ASCC1: variants seen among roughly 807,000 people sequenced by gnomAD.
ASCC1 encodes the protein ASC-1 complex subunit P50.
Under a neutral mutation model 46.6 loss-of-function variants are expected in ASCC1, and 35 were observed. The ratio of observed to expected loss-of-function variants is 0.75; its 90% confidence interval spans 0.57 to 0.99. The LOEUF is 0.99. Among genes scored for constraint, ASCC1 ranks in the 50% least tolerant of loss-of-function variants. The probability of loss-of-function intolerance (pLI) is 0.00; values close to 1 mark genes in which losing one functional copy is unlikely to be tolerated. For missense variants in ASCC1, 376 were observed against 428.7 expected, an observed-to-expected ratio of 0.88 and a Z score of 1.09; for synonymous variants, 143 against 146.6, an observed-to-expected ratio of 0.98 and a Z score of 0.18.
chr10:72,185,893 C>T (rs183523163), intron 5 of ASCC1, among the ~76,000 whole-genome samples: 6 of 152,184 alleles, frequency 3.9e-5, no homozygotes, highest in African/African-American at 1.4e-4. Flanking sequence ...ATTCCCTTAA[C>T]CCATGTTATT....
intron 5 of ASCC1, among the ~76,000 whole-genome samples, chr10:72,193,642 T>C (rs1025776706): frequency 6.6e-6 from 1 of 152,030 alleles, no homozygotes; most frequent in African/African-American, 2.4e-5. Flanking sequence ...TAAACATGTT[T>C]TAGAATTCAT....
chr10:72,149,980 G>A (rs537735847), intron 7 of ASCC1, among the ~76,000 whole-genome samples: 9 of 152,148 alleles, frequency 5.9e-5, no homozygotes, highest in Middle Eastern at 3.4e-3. Flanking sequence ...GAGGTCAGGG[G>A]TTCGAGACCA....
chr10:72,102,947 C>A (rs924232263), intron 9 of ASCC1: 3 of 446,000 alleles, frequency 6.7e-6, no homozygotes, highest in Non-Finnish European at 8.9e-6. Context: ...TGTACTCCAG[C>A]CTGGGCAACA....
At position 72,096,599 on chromosome 10, in the gene ASCC1, A is replaced by G. The variant is rs1283747395; in HGVS notation, c.*735T>C. 6.6e-6 allele frequency: 3 copies of G among 453,838 alleles called. No individual in the cohort carries two copies. The Admixed American group carries it at 7.0e-5, about 11-fold the overall frequency. 28.1% of individuals were successfully genotyped at this position (453,838 alleles called of 1,614,324 possible). A position where few individuals can be genotyped will look rare whatever the true frequency, so the allele number is the denominator to read the frequency against. On this transcript the variant is annotated 3_prime_UTR_variant, in exon 10 of 10. Transcript: ENST00000672957. ...TAAAGGAATTAAAGGCAGAGTCTCA[A>G]AGAGATATTTGCACCCCCGTGTCTG... is the stretch of plus-strand genomic sequence containing the variant.
upstream of ASCC1, chr10:72,216,950 GA>G: frequency 2.2e-6 from 1 of 456,110 alleles, no homozygotes; most frequent in East Asian, 6.9e-5. Flanking sequence ...CAATGAGAAA[GA>G]AAAAAATCCA....
At chr10:72,128,400 C>G (rs1030771444) in intron 8 of ASCC1, among the ~76,000 whole-genome samples, 1 of 152,198 alleles carries the variant, frequency 6.6e-6, no homozygotes, top group Non-Finnish European at 1.5e-5. Flanking sequence ...TCGACATTCT[C>G]CAGGCACTCA....
intron 3 of ASCC1, among the ~76,000 whole-genome samples, chr10:72,207,551 T>TG (rs896000064): frequency 6.6e-6 from 1 of 152,166 alleles, no homozygotes; most frequent in African/African-American, 2.4e-5. Context: ...TGGAATCACC[T>TG]GGGGGGCTTC....
At position 72,201,405 on chromosome 10, in the gene ASCC1, G is replaced by A. The variant is rs117533204; in HGVS notation, c.310+2022C>T. Reference sequence around the variant, plus strand: ...CAATCTATGAACATTTATGGAAAATGGGGCTAGACGCAGTGACTCTTGTCT... The same window carrying A: ...CAATCTATGAACATTTATGGAAAATAGGGCTAGACGCAGTGACTCTTGTCT... On this transcript the variant is annotated intron_variant, in intron 4 of 9. Transcript: ENST00000672957. 1.5e-3 allele frequency among the ~76,000 whole-genome samples: 233 copies of A among 152,268 alleles called. 2 individuals carry two copies. The highest frequency in any genetic ancestry group is 6.2e-3 in the South Asian group (30 of 4,820).
In ASCC1 at chr10:72,196,810, C is replaced by A. The variant is rs770609737; in HGVS notation, c.489+1G>T. 2.8e-5 allele frequency: 45 copies of A among 1,612,224 alleles called. No homozygotes were observed. The highest frequency in any genetic ancestry group is 3.6e-5 in the Non-Finnish European group (43 of 1,179,768). The stretch of plus-strand genomic sequence containing the variant: ...AACCTTCTTGCTTTGTTTGCACTTA[C>A]CATGGAGCACTTCGCCAGTACTTCC... On this transcript the variant is annotated splice_donor_variant, in intron 5 of 9. Transcript: ENST00000672957. LOFTEE classifies it high-confidence loss of function.
At chr10:72,101,425 T>C (rs1368416454) in intron 9 of ASCC1, among the ~76,000 whole-genome samples, 1 of 152,060 alleles carries the variant, frequency 6.6e-6, no homozygotes, top group Non-Finnish European at 1.5e-5. Flanking sequence ...AGGAAAGCCA[T>C]CTGGAGGAGA....
In ASCC1 at chr10:72,096,700, C is replaced by T. The variant is rs1433955504; in HGVS notation, c.*634G>A. On this transcript the variant is annotated 3_prime_UTR_variant, in exon 10 of 10. Coordinates refer to ENST00000672957, the MANE Select transcript of ASCC1 (RefSeq NM_001198800.3). Reference sequence around the variant, plus strand: ...ATGGAGGAACAGAGTGTGGTACGCACATGTAACGGAACATTCCATTATATG... The same window carrying T: ...ATGGAGGAACAGAGTGTGGTACGCATATGTAACGGAACATTCCATTATATG... The T allele has an allele frequency of 2.2e-6, 1 of 454,072 alleles. No homozygotes were observed. The highest frequency in any genetic ancestry group is 2.0e-5 in the African/African-American group (1 of 50,096). The allele number at this position is 454,072 out of a possible 1,614,324, so 28.1% of individuals were successfully genotyped here. A position where few individuals can be genotyped will look rare whatever the true frequency, so the allele number is the denominator to read the frequency against.
chr10:72,160,023 G>C (rs977047916), intron 6 of ASCC1, among the ~76,000 whole-genome samples: 7 of 151,080 alleles, frequency 4.6e-5, no homozygotes, highest in Non-Finnish European at 7.4e-5. Context: ...TCCTGCCTCA[G>C]CCTCCTGAGT....
intron 5 of ASCC1, among the ~76,000 whole-genome samples, chr10:72,172,430 A>AG (rs1402348773): frequency 1.3e-5 from 2 of 149,516 alleles, no homozygotes; most frequent in South Asian, 2.1e-4. Context: ...AAAAAAAAAA[A>AG]AAAAAGAAAA....
At chr10:72,113,079 A>T (rs1843107300) in intron 9 of ASCC1, among the ~76,000 whole-genome samples, 1 of 152,184 alleles carries the variant, frequency 6.6e-6, no homozygotes, top group African/African-American at 2.4e-5. Flanking sequence ...AAGACAATTG[A>T]ATATTTATTC....
chr10:72,152,296 C>T (rs1171452753), intron 7 of ASCC1, among the ~76,000 whole-genome samples: 1 of 151,408 alleles, frequency 6.6e-6, no homozygotes, highest in Non-Finnish European at 1.5e-5. Flanking sequence ...TCCCAAACTG[C>T]TAGGATTACG....
In ASCC1 at chr10:72,133,148, A is replaced by T; in HGVS notation, c.780T>A (p.Arg260=). Residue 260 remains arginine (R), a synonymous_variant, in exon 8 of 10, where the codon CGT becomes CGA. Coordinates refer to ENST00000672957, the MANE Select transcript of ASCC1 (RefSeq NM_001198800.3). ...TCACTATTAGTCCAGATGCCTGAAA[A>T]CGTTCCAGCACTCGATCAACTAATT... ...LQELVDRVLE[R]FQASGLIVKE... 1 of 1,614,058 alleles carries T rather than the reference A, an allele frequency of 6.2e-7. No homozygotes were observed. Among genetic ancestry groups the T allele is most frequent in the Non-Finnish European group, 8.5e-7 (1 of 1,179,934 alleles).
At chr10:72,199,033 T>G (rs1300509681) in intron 4 of ASCC1, among the ~76,000 whole-genome samples, 2 of 152,014 alleles carry the variant, frequency 1.3e-5, no homozygotes, top group Non-Finnish European at 2.9e-5. Flanking sequence ...GCCAGGCTGG[T>G]CTCAAAATCT....
chr10:72,140,692 T>C (rs1392748119), intron 7 of ASCC1, among the ~76,000 whole-genome samples: 1 of 152,152 alleles, frequency 6.6e-6, no homozygotes, highest in Non-Finnish European at 1.5e-5. Context: ...AAAGGAACTG[T>C]TTAATTTTCA....
At chr10:72,105,500 A>G (rs1842249442) in intron 9 of ASCC1, among the ~76,000 whole-genome samples, 1 of 152,216 alleles carries the variant, frequency 6.6e-6, no homozygotes, top group Non-Finnish European at 1.5e-5. Flanking sequence ...ATCCTGCATC[A>G]ATAATATCTT....
Sources: allele counts gnomAD v4.1 joint callset (sites outside exome capture counted in the v4.1 genomes callset), GRCh38; gene constraint gnomAD v4.1.1; transcripts MANE v1.5; gene names NCBI Gene and HGNC (gene_info 2026-07-23, HGNC 2026-07-21).